ZSWIM4: variants seen among roughly 807,000 people sequenced by gnomAD.
ZSWIM4 encodes zinc finger SWIM-type containing 4, also known as zinc finger SWIM domain-containing protein 4.
In ZSWIM4, 62 loss-of-function variants were observed where a neutral mutation model predicts 102.5. The ratio of observed to expected loss-of-function variants is 0.60; its 90% CI spans 0.49 to 0.75. ZSWIM4 has a LOEUF of 0.75. ZSWIM4 is among the 30% of genes least tolerant of loss of function. The pLI is 0.00. For missense variants in ZSWIM4, 1,280 were observed against 1,529.6 expected (o/e 0.84, Z 2.72); for synonymous variants, 652 against 674.5 (o/e 0.97, Z 0.52).
intron 1 of ZSWIM4, among the ~76,000 whole-genome samples, chr19:13,796,080 C>T (rs1034741245): frequency 6.6e-6 from 1 of 151,576 alleles, no homozygotes; most frequent in East Asian, 2.0e-4. Context: ...TCCTACCAAC[C>T]CCAGATCTCT....
intron 2 of ZSWIM4, among the ~76,000 whole-genome samples, chr19:13,801,797 T>A (rs1974777573): frequency 7.1e-6 from 1 of 141,486 alleles, no homozygotes; most frequent in Non-Finnish European, 1.5e-5. Context: ...TCGGCCTCCC[T>A]AGTAGCTGGG....
At chr19:13,811,694 TATAG>T (rs1375717820) in intron 5 of ZSWIM4, among the ~76,000 whole-genome samples, 2 of 152,096 alleles carry the variant, frequency 1.3e-5, no homozygotes, top group Non-Finnish European at 2.9e-5. Flanking sequence ...CGGCTTTATT[TATAG>T]ATACTTACTA....
chr19:13,810,023 G>A (rs1433131254), intron 5 of ZSWIM4, among the ~76,000 whole-genome samples: 1 of 148,470 alleles, frequency 6.7e-6, no homozygotes, highest in Non-Finnish European at 1.5e-5. Context: ...GTCTCGCTCT[G>A]TCATCCAGGC....
chr19:13,798,928 A>G (rs1305258135), intron 1 of ZSWIM4, among the ~76,000 whole-genome samples: 3 of 152,132 alleles, frequency 2.0e-5, no homozygotes, highest in Admixed American at 6.6e-5. Flanking sequence ...AGCTGAGATT[A>G]TAGGTGCATG....
At chr19:13,819,581 C>T in intron 10 of ZSWIM4, 89 bp downstream of exon 10, 1 of 1,468,282 alleles carries the variant, frequency 6.8e-7, no homozygotes, top group Non-Finnish European at 9.1e-7. Context: ...ACCCATCCAG[C>T]CTGAACTCAC....
chr19:13,824,230 A>G (rs1975545063), intron 11 of ZSWIM4, among the ~76,000 whole-genome samples: 1 of 152,084 alleles, frequency 6.6e-6, no homozygotes, highest in African/African-American at 2.4e-5. Context: ...AAGGTCACTA[A>G]CCCTCTCATG....
At chr19:13,823,527 T>G in intron 11 of ZSWIM4, 27 bp downstream of exon 11, 1 of 1,550,552 alleles carries the variant, frequency 6.4e-7, no homozygotes, top group Non-Finnish European at 8.7e-7. Flanking sequence ...TCCCGATTCC[T>G]TTGTCTTCCT....
intron 1 of ZSWIM4, chr19:13,796,721 C>T (rs2145239679): frequency 6.6e-6 from 1 of 152,432 alleles, no homozygotes; most frequent in Non-Finnish European, 1.5e-5. Context: ...CAGGATGTCC[C>T]AGAGCTGGGG....
Position 13,830,532 on chromosome 19 carries a change from C to A in ZSWIM4, c.2803C>A (p.Pro935Thr). The A allele has an allele frequency of 6.3e-7, 1 of 1,599,374 alleles. No individual in the cohort carries two copies. The highest frequency in any genetic ancestry group is 8.5e-7 in the Non-Finnish European group (1 of 1,179,364). The change falls in exon 14 of 14, where the codon CCG (proline) becomes ACG (threonine). Residue 935 changes from proline (P) to threonine (T), a missense_variant. Pro to Thr is a conservative substitution (Grantham distance 38, BLOSUM62 -1). Transcript: ENST00000590508. ...CCGCTATATGGAGCACCGCGGGCTG[C>A]CGCTCCGGGCCTACAAGCTGGCGAC... ...VARYMEHRGL[P>T]LRAYKLATLA...
chr19:13,823,629 A>G lies in ZSWIM4; in HGVS notation c.2215+129A>G, dbSNP rs116643615. ...CCCCTGCATTCTTTGAGCACCTCCT[A>G]TATGTACCGGACACTGTCTCAGGTG... On this transcript the variant is annotated intron_variant, in intron 11 of 13. Coordinates refer to ENST00000590508, the MANE Select transcript of ZSWIM4 (RefSeq NM_001367834.3). 2,003 of 1,124,204 alleles carry G rather than the reference A, an allele frequency of 1.8e-3. 26 individuals carry two copies. In the African/African-American group the frequency reaches 0.027, roughly 15 times the overall value. 69.6% of individuals were successfully genotyped at this position (1,124,204 alleles called of 1,614,324 possible).
intron 13 of ZSWIM4, 76 bp downstream of exon 13, chr19:13,828,802 A>G: frequency 8.9e-6 from 13 of 1,455,012 alleles, no homozygotes; most frequent in Non-Finnish European, 1.1e-5. Context: ...AACCAGGCAG[A>G]CAAGAAAGAG....
At chr19:13,815,319 C>A (rs1416790022) in intron 7 of ZSWIM4, 1 of 151,974 alleles carries the variant, frequency 6.6e-6, no homozygotes, top group African/African-American at 2.4e-5. Flanking sequence ...CCATGCCCGG[C>A]TAATTTTTTT....
chr19:13,829,807 A>G (rs1257073822), intron 13 of ZSWIM4, among the ~76,000 whole-genome samples: 1 of 152,010 alleles, frequency 6.6e-6, no homozygotes, highest in Non-Finnish European at 1.5e-5. Flanking sequence ...CCTGGGCAAC[A>G]GAGCGAGACT....
chr19:13,819,324 C>A (rs1381218461), intron 9 of ZSWIM4, 33 bp from the exon 10 acceptor site: 2 of 1,612,270 alleles, frequency 1.2e-6, no homozygotes, highest in Non-Finnish European at 1.7e-6. Flanking sequence ...GGCGAGCCCA[C>A]ACTTGGGGAC....
intron 1 of ZSWIM4, among the ~76,000 whole-genome samples, chr19:13,796,043 A>G (rs1168627511): frequency 4.1e-5 from 6 of 146,556 alleles, no homozygotes; most frequent in African/African-American, 1.5e-4. Flanking sequence ...AGCGCCCCAG[A>G]TCCCAAATCA....
chr19:13,814,784 C>T lies in ZSWIM4; in HGVS notation c.1450C>T (p.Leu484=), dbSNP rs1306519696. 7.8e-7 allele frequency: 1 copy of T among 1,285,708 alleles called. No individual in the cohort carries two copies. The highest frequency in any genetic ancestry group is 1.5e-5 in the African/African-American group (1 of 65,900). 79.6% of individuals were successfully genotyped at this position (1,285,708 alleles called of 1,614,324 possible). Residue 484 remains leucine (L), a synonymous_variant, in exon 7 of 14, where the codon CTG becomes TTG. Transcript: ENST00000590508. ...TGCCCACGGATACCCCCGCCAGGCC[C>T]TGCGGCTGGCAAGTGCCATCATCAA... ...LRAHGYPRQA[L]RLASAIINTL... is the part of the protein sequence containing the mutation.
In ZSWIM4 at chr19:13,817,177, C is replaced by T. The variant is rs190033880; in HGVS notation, c.1532-39C>T. The T allele has an allele frequency of 1.0e-4, 160 of 1,584,922 alleles. 1 individual carries two copies. In the African/African-American group the frequency reaches 1.2e-3, roughly 11 times the overall value. ...TATCCCTCCCTCCTAGAGACTTGGG[C>T]AGGTGTGTGGGCATTGAGCCCCCTC... On this transcript the variant is annotated intron_variant, in intron 7 of 13. Transcript: ENST00000590508.
At chr19:13,800,057 T>G (rs567912994) in intron 2 of ZSWIM4, 136 bp downstream of exon 2, 1 of 711,378 alleles carries the variant, frequency 1.4e-6, no homozygotes, top group African/African-American at 2.2e-5. Context: ...CAGATAGGAT[T>G]GTACAAGATT....
At chr19:13,819,905 GCGATCTCGGCCCACTCCCAGGGC>G (rs1205769203) in intron 10 of ZSWIM4, among the ~76,000 whole-genome samples, 1 of 149,970 alleles carries the variant, frequency 6.7e-6, no homozygotes, top group African/African-American at 2.5e-5. Context: ...GTGCAGTGGC[GCGATCTCGGCCCACTCCCAGGGC>G]CGATCTCAGC....
Sources: allele counts gnomAD v4.1 joint callset (sites outside exome capture counted in the v4.1 genomes callset), GRCh38; gene constraint gnomAD v4.1.1; transcripts MANE v1.5; gene names NCBI Gene and HGNC (gene_info 2026-07-23, HGNC 2026-07-21).